ODF2: variants seen among roughly 807,000 people sequenced by gnomAD.
ODF2 encodes the protein outer dense fiber of sperm tails 2, also known as outer dense fiber protein 2.
A neutral mutation model predicts 110.2 loss-of-function variants in ODF2; 47 were observed. That is an observed-to-expected ratio of 0.43 (90% CI 0.34 to 0.54). The LOEUF is 0.54. Ranked by LOEUF, ODF2 falls within the 20% of genes least tolerant of loss-of-function variation. ODF2 has a pLI of 0.03. For synonymous variants in ODF2, 352 were observed against 397.7 expected (o/e 0.89, Z 1.37); for missense variants, 812 against 1,054.5 (o/e 0.77, Z 3.19).
At chr9:128,472,248 T>C (rs1441076748) in intron 6 of ODF2, among the ~76,000 whole-genome samples, 2 of 152,130 alleles carry the variant, frequency 1.3e-5, no homozygotes, top group Admixed American at 1.3e-4. Flanking sequence ...CGCTCTGTCA[T>C]CCAGGCTGGA....
chr9:128,493,824 T>G (rs1277595814), intron 16 of ODF2, among the ~76,000 whole-genome samples: 1 of 152,190 alleles, frequency 6.6e-6, no homozygotes, highest in Non-Finnish European at 1.5e-5. Context: ...AGACAGAGTC[T>G]TGCTGTGTCA....
chr9:128,471,617 A>G, intron 6 of ODF2, 149 bp downstream of exon 6: 1 of 647,024 alleles, frequency 1.5e-6, no homozygotes, highest in Non-Finnish European at 2.6e-6. Flanking sequence ...ACAATTAATT[A>G]CAGTTAATTA....
chr9:128,493,698 A>G (rs1038862204), intron 16 of ODF2, among the ~76,000 whole-genome samples: 1 of 152,214 alleles, frequency 6.6e-6, no homozygotes, highest in Non-Finnish European at 1.5e-5. Context: ...CTCCGTGTTA[A>G]GTACAAGGAT....
chr9:128,456,214 C>T, exon 1 of ODF2: 1 of 1,547,488 alleles, frequency 6.5e-7, no homozygotes, highest in Non-Finnish European at 8.7e-7. Flanking sequence ...ACTTCAACGA[C>T]TTCATAAGGC....
chr9:128,470,994 A>G (rs1025780226), intron 5 of ODF2, among the ~76,000 whole-genome samples: 4 of 151,368 alleles, frequency 2.6e-5, no homozygotes, highest in African/African-American at 7.3e-5. Flanking sequence ...GCTCACTGCA[A>G]CCTCTGGCTC....
At chr9:128,487,785 TAA>T in intron 13 of ODF2, 103 bp from the exon 14 acceptor site, 1 of 1,392,416 alleles carries the variant, frequency 7.2e-7, no homozygotes, top group Non-Finnish European at 9.7e-7. Context: ...AGACTCCGTC[TAA>T]AAAAACAAAC....
Position 128,457,943 on chromosome 9 carries a change from A to AT in ODF2, c.32+518dup, listed in dbSNP as rs1181931486. 3.0e-3 allele frequency among the ~76,000 whole-genome samples: 419 copies of AT among 140,436 alleles called. 2 individuals are homozygous for AT. Among genetic ancestry groups the AT allele is most frequent in the East Asian group, 8.2e-3 (41 of 4,994 alleles). 92.1% of individuals were successfully genotyped at this position (140,436 alleles called of 152,430 possible). A position where few individuals can be genotyped will look rare whatever the true frequency, so the allele number is the denominator to read the frequency against. Reference sequence around the variant, plus strand: ...AGTAGAGGTCTATATATATATATATATTTTTTTTTTTTCCCCTCTTTTTAA... The same window carrying AT: ...AGTAGAGGTCTATATATATATATATATTTTTTTTTTTTTCCCCTCTTTTTAA... On this transcript the variant is annotated intron_variant, in intron 2 of 20. Coordinates refer to ENST00000604420, the Ensembl canonical transcript of ODF2.
At chr9:128,493,055 AC>A (rs1411601544) in intron 16 of ODF2, among the ~76,000 whole-genome samples, 1 of 112,184 alleles carries the variant, frequency 8.9e-6, no homozygotes, top group African/African-American at 3.5e-5. Flanking sequence ...GTTTTCTTCT[AC>A]CTCCTTTTCA....
chr9:128,474,760 G>A (rs368946874), intron 8 of ODF2, among the ~76,000 whole-genome samples: 33 of 152,120 alleles, frequency 2.2e-4, no homozygotes, highest in African/African-American at 7.0e-4. Flanking sequence ...TCAGGAGTTC[G>A]AGACCTGCTT....
At chr9:128,472,294 G>A (rs1458622133) in intron 6 of ODF2, among the ~76,000 whole-genome samples, 3 of 152,092 alleles carry the variant, frequency 2.0e-5, no homozygotes, top group East Asian at 1.9e-4. Flanking sequence ...TGCAATGTCC[G>A]CCTCCTTGAC....
intron 1 of ODF2, chr9:128,456,580 G>T: frequency 6.6e-7 from 1 of 1,523,970 alleles, no homozygotes; most frequent in South Asian, 1.2e-5. Flanking sequence ...CCTGCTGGTG[G>T]GTGGCCGTCC....
In ODF2 at chr9:128,498,579, A is replaced by C; in HGVS notation, c.2175+4A>C. 6.7e-7 allele frequency: 1 copy of C among 1,501,030 alleles called. No homozygotes were observed. The highest frequency in any genetic ancestry group is 9.1e-7 in the Non-Finnish European group (1 of 1,093,882). 93.0% of individuals were successfully genotyped at this position (1,501,030 alleles called of 1,614,324 possible). A position where few individuals can be genotyped will look rare whatever the true frequency, so the allele number is the denominator to read the frequency against. The stretch of plus-strand genomic sequence containing the variant: ...CATTGAAGATGCGAGGAGGCAGGTC[A>C]GTCCCGATTTCATGAATGACTAGCT... On this transcript the variant is annotated splice_donor_region_variant and intron_variant, in intron 19 of 20. Transcript: ENST00000604420.
intron 14 of ODF2, among the ~76,000 whole-genome samples, chr9:128,491,752 A>G (rs1041794618): frequency 9.2e-5 from 14 of 152,146 alleles, no homozygotes; most frequent in African/African-American, 3.4e-4. Context: ...CAGTAAGTAT[A>G]GTATAGTCTC....
At chr9:128,477,286 C>G (rs946059851) in intron 8 of ODF2, among the ~76,000 whole-genome samples, 4 of 151,286 alleles carry the variant, frequency 2.6e-5, no homozygotes, top group Non-Finnish European at 5.9e-5. Flanking sequence ...TGGTGGCTCA[C>G]GCCTGTAATT....
At chr9:128,460,479 G>A in intron 3 of ODF2, 71 bp from the exon 3 acceptor site, 1 of 1,582,484 alleles carries the variant, frequency 6.3e-7, no homozygotes, top group Non-Finnish European at 8.6e-7. Context: ...GAGGCTGTGA[G>A]CTCTGTTTTT....
At chr9:128,492,799 T>G (rs1244574117) in exon 16 of ODF2, 1 of 1,613,296 alleles carries the variant, frequency 6.2e-7, no homozygotes, top group Middle Eastern at 1.7e-4. Context: ...ACAAAGAGAT[T>G]GAGGCGGTAC....
At chr9:128,477,156 C>T (rs1841451553) in intron 8 of ODF2, among the ~76,000 whole-genome samples, 1 of 150,780 alleles carries the variant, frequency 6.6e-6, no homozygotes, top group South Asian at 2.1e-4. Flanking sequence ...TGCTTGAACC[C>T]AGGAGGGGGG....
intron 3 of ODF2, 81 bp from the exon 3 acceptor site, chr9:128,460,469 G>A: frequency 6.4e-7 from 1 of 1,567,244 alleles, no homozygotes; most frequent in East Asian, 2.3e-5. Context: ...GTGGCCCCCA[G>A]AGGCTGTGAG....
intron 8 of ODF2, among the ~76,000 whole-genome samples, chr9:128,478,955 G>A (rs1841896599): frequency 6.6e-6 from 1 of 152,166 alleles, no homozygotes; most frequent in African/African-American, 2.4e-5. Flanking sequence ...TGGGGGTAGT[G>A]ATAGTGCATG....
Sources: gnomAD v4.1 joint callset for allele counts (sites outside exome capture counted in the v4.1 genomes callset) on GRCh38, gnomAD v4.1.1 for gene constraint, MANE v1.5 for transcripts, NCBI Gene and HGNC (gene_info 2026-07-23, HGNC 2026-07-21) for gene names.